The following HEATR4 variants were observed in gnomAD, a reference collection of about 807,000 sequenced individuals.
HEATR4 encodes the protein HEAT repeat containing 4, also known as HEAT repeat-containing protein 4.
A neutral mutation model predicts 108.8 loss-of-function variants in HEATR4; 95 were observed. That is an observed-to-expected ratio of 0.87 (90% CI 0.74 to 1.04). HEATR4 has a LOEUF of 1.04. Among genes scored for constraint, HEATR4 ranks in the 50% least tolerant of loss-of-function variants. The pLI, the probability that HEATR4 is intolerant of heterozygous loss-of-function variation, is 0.00. For synonymous variants in HEATR4, 443 were observed against 459.4 expected (o/e 0.96, Z 0.46); for missense variants, 1,152 against 1,253.8 (o/e 0.92, Z 1.23).
the HEATR4 span, chr14:73,612,982 GCCGGTGCGCGCGGGC>G: frequency 1.2e-5 from 13 of 1,121,004 alleles, no homozygotes; most frequent in African/African-American, 1.2e-4. Flanking sequence ...TGCGGCGCGA[GCCGGTGCGCGCGGGC>G]CCGGTGCGCG....
chr14:73,580,408 A>T, the HEATR4 span, among the ~76,000 whole-genome samples: 1 of 152,072 alleles, frequency 6.6e-6, no homozygotes, highest in South Asian at 2.1e-4. Flanking sequence ...CGCCACTTGT[A>T]AAAAGAAGCC....
the HEATR4 span, among the ~76,000 whole-genome samples, chr14:73,609,388 C>A: frequency 6.6e-6 from 1 of 152,120 alleles, no homozygotes; most frequent in South Asian, 2.1e-4. Flanking sequence ...TCCTGCATAT[C>A]ACCCCTGGGT....
In HEATR4 at chr14:73,537,551, G is replaced by A; in HGVS notation, c.-151-7307C>T. 4.1e-6 allele frequency: 5 copies of A among 1,213,506 alleles called. 1 individual carries two copies. The highest frequency in any genetic ancestry group is 5.4e-6 in the Non-Finnish European group (5 of 923,774). The allele number at this position is 1,213,506 out of a possible 1,614,324, so 75.2% of individuals were successfully genotyped here. On this transcript the variant is annotated intron_variant, in intron 1 of 17. Transcript: ENST00000553558. ...CGCGTCCCTGCGCGACGAGAAGGGC[G>A]CGCTTTTCCAGGCCCACGCGCGCTA...
At chr14:73,589,713 G>A in the HEATR4 span, among the ~76,000 whole-genome samples, 2 of 152,110 alleles carry the variant, frequency 1.3e-5, no homozygotes, top group South Asian at 2.1e-4. Context: ...GGTGTTTCCA[G>A]ACTGGTCTTG....
rs1356638881 is a variant in HEATR4, at chr14:73,520,919, C to G, written c.1002G>C (p.Gln334His). 2.1e-5 allele frequency: 34 copies of G among 1,613,922 alleles called. No homozygotes were observed. In the Admixed American group the frequency reaches 5.5e-4, roughly 26 times the overall value. ...SQPQTQSYFR[Q>H]VTPRAGKFAY... ...CAAACTTTCCAGCTCGGGGAGTCAC[C>G]TGGCGAAAGTAGCTCTGGGTTTGGG... Residue 334 changes from glutamine to histidine, a missense_variant, in exon 4 of 18, where the codon CAG (glutamine) becomes CAC (histidine). Physicochemically the swap from Gln to His is conservative, Grantham distance 24. Transcript: ENST00000553558.
rs372980757 is a variant in HEATR4, at chr14:73,506,516, C to T, written c.1937G>A (p.Arg646Gln). The part of the protein sequence containing the change: ...VELNSCQWKN[R>Q]IVACQAFSRI... ...GGAGAAAGCCTGGCAGGCCACAATC[C>T]GGTTCTTCCATTGACAGCTGTTCAG... is the stretch of plus-strand genomic sequence containing the variant. The change falls in exon 10 of 18, where the codon CGG becomes CAG. Residue 646 changes from arginine (R) to glutamine (Q), a missense_variant. Arg to Gln is a conservative substitution (Grantham distance 43). Coordinates refer to ENST00000553558, the MANE Select transcript of HEATR4 (RefSeq NM_001220484.1). The T allele has an allele frequency of 1.4e-5, 23 of 1,613,696 alleles. No homozygotes were observed. Among genetic ancestry groups the T allele is most frequent in the African/African-American group, 4.0e-5 (3 of 74,916 alleles).
In HEATR4 at chr14:73,506,502, G is replaced by C; in HGVS notation, c.1951C>G (p.Gln651Glu). Residue 651 changes from glutamine (Q) to glutamate (E), a missense_variant, in exon 10 of 18, where the codon CAG becomes GAG. By Grantham distance (29) the Gln-to-Glu change is conservative (BLOSUM62 2). Transcript: ENST00000553558. Reference sequence around the variant, plus strand: ...TTTCCACTGATCCGGGAGAAAGCCTGGCAGGCCACAATCCGGTTCTTCCAT... The same window carrying C: ...TTTCCACTGATCCGGGAGAAAGCCTCGCAGGCCACAATCCGGTTCTTCCAT... ...CQWKNRIVAC[Q>E]AFSRISGNVC... is the part of the protein sequence containing the mutation. The C allele has an allele frequency of 6.2e-7, 1 of 1,613,762 alleles. No individual in the cohort carries two copies. Among genetic ancestry groups the C allele is most frequent in the Non-Finnish European group, 8.5e-7 (1 of 1,179,958 alleles).
the HEATR4 span, among the ~76,000 whole-genome samples, chr14:73,624,653 C>T: frequency 6.6e-6 from 1 of 152,144 alleles, no homozygotes; most frequent in Non-Finnish European, 1.5e-5. Flanking sequence ...TTCTTTATAG[C>T]AACACAAATG....
At chr14:73,569,619 G>C in the HEATR4 span, 1 of 1,600,556 alleles carries the variant, frequency 6.2e-7, no homozygotes, top group Non-Finnish European at 8.5e-7. Flanking sequence ...CCTGGAGCGC[G>C]CGCCCGCGCT....
intron 17 of HEATR4, chr14:73,491,040 C>T (rs1471057047): frequency 1.3e-6 from 2 of 1,583,896 alleles, no homozygotes; most frequent in East Asian, 2.3e-5. Flanking sequence ...CAGGCCAGTG[C>T]AGGGCCGTTG....
At chr14:73,591,703 G>A in the HEATR4 span, 3 of 387,994 alleles carry the variant, frequency 7.7e-6, no homozygotes, top group Non-Finnish European at 1.4e-5. Flanking sequence ...TCTACGGGGT[G>A]GGTTGGGCGC....
the HEATR4 span, among the ~76,000 whole-genome samples, chr14:73,565,621 C>T: frequency 2.6e-5 from 4 of 151,832 alleles, no homozygotes; most frequent in African/African-American, 7.3e-5. Context: ...CTGGTGGGTT[C>T]ATGGTCTCGC....
chr14:73,568,117 G>A, the HEATR4 span: 1 of 152,036 alleles, frequency 6.6e-6, no homozygotes, highest in Admixed American at 6.6e-5. Flanking sequence ...CATACTTGAG[G>A]TGTTATACAA....
At chr14:73,624,605 C>T in the HEATR4 span, among the ~76,000 whole-genome samples, 8 of 152,182 alleles carry the variant, frequency 5.3e-5, no homozygotes, top group East Asian at 1.5e-3. Flanking sequence ...GACTGCTCCC[C>T]TCTACCCCAA....
chr14:73,484,833 GAC>G (rs529857941), intron 17 of HEATR4, among the ~76,000 whole-genome samples: 4,490 of 141,436 alleles, frequency 0.032, 211 homozygotes, highest in African/African-American at 0.1. Context: ...CACACACACA[GAC>G]ACACACACAC....
At chr14:73,508,845 C>A (rs571785752) in intron 8 of HEATR4, among the ~76,000 whole-genome samples, 1 of 147,846 alleles carries the variant, frequency 6.8e-6, no homozygotes, top group African/African-American at 2.5e-5. Context: ...AGCAAATTTT[C>A]TTTTTTTCCT....
In HEATR4 at chr14:73,522,233, G is replaced by A. The variant is rs776015220; in HGVS notation, c.881+39C>T. The A allele has an allele frequency of 5.0e-6, 8 of 1,585,556 alleles. No homozygotes were observed. The African/African-American group carries it at 6.7e-5, about 13-fold the overall frequency. On this transcript the variant is annotated intron_variant, in intron 3 of 17. Coordinates refer to ENST00000553558, the MANE Select transcript of HEATR4 (RefSeq NM_001220484.1). ...CTGGGAGTCCCTAAAGGGGAGTCAGGGATTATCAAAGGTGCACTTGAGGCC... is the reference window on the plus strand; with the variant it reads ...CTGGGAGTCCCTAAAGGGGAGTCAGAGATTATCAAAGGTGCACTTGAGGCC...
At chr14:73,604,366 T>C in the HEATR4 span, among the ~76,000 whole-genome samples, 1 of 151,062 alleles carries the variant, frequency 6.6e-6, no homozygotes, top group Non-Finnish European at 1.5e-5. Context: ...GGCTTCACCA[T>C]GTTGGCCAGG....
intron 11 of HEATR4, among the ~76,000 whole-genome samples, chr14:73,502,260 A>G (rs1217867988): frequency 6.6e-6 from 1 of 151,510 alleles, no homozygotes; most frequent in Non-Finnish European, 1.5e-5. Context: ...TGAGTATTCC[A>G]TTTTTCTGCT....
Sources: allele counts gnomAD v4.1 joint callset (sites outside exome capture counted in the v4.1 genomes callset), GRCh38; gene constraint gnomAD v4.1.1; transcripts MANE v1.5; gene names NCBI Gene and HGNC (gene_info 2026-07-23, HGNC 2026-07-21).